AP3D1: variants seen among roughly 807,000 people sequenced by gnomAD.
AP3D1 encodes the protein AP-3 complex subunit delta-1.
In AP3D1, 51 loss-of-function variants were observed where a neutral mutation model predicts 147.6. The ratio of observed to expected loss-of-function variants is 0.35; its 90% CI spans 0.28 to 0.44. The LOEUF is 0.44. Ranked by LOEUF, AP3D1 falls within the 20% of genes least tolerant of loss-of-function variation. AP3D1 has a pLI of 1.00. For synonymous variants in AP3D1, 760 were observed against 663.0 expected (o/e 1.15, Z -2.25); for missense variants, 1,421 against 1,624.2 (o/e 0.87, Z 2.15).
chr19:2,118,513 G>A (rs2018519334), intron 15 of AP3D1, 88 bp downstream of exon 15: 2 of 1,253,210 alleles, frequency 1.6e-6, no homozygotes, highest in East Asian at 4.9e-5. Context: ...GGAAGAGGAA[G>A]CGAGGCCCCG....
At chr19:2,134,263 CA>C (rs892871247) in intron 4 of AP3D1, among the ~76,000 whole-genome samples, 1 of 151,374 alleles carries the variant, frequency 6.6e-6, no homozygotes, top group East Asian at 2.0e-4. Context: ...ACAAAAAATA[CA>C]AAAAAAATCA....
At position 2,117,230 on chromosome 19, in the gene AP3D1, G is replaced by T; in HGVS notation, c.1851C>A (p.Val617=). 6.2e-7 allele frequency: 1 copy of T among 1,609,002 alleles called. No homozygotes were observed. The highest frequency in any genetic ancestry group is 8.5e-7 in the Non-Finnish European group (1 of 1,177,710). The change falls in exon 16 of 32, where the codon GTC becomes GTA. Residue 617 remains valine (V), a synonymous_variant. Coordinates refer to ENST00000643116, the MANE Select transcript of AP3D1 (RefSeq NM_001261826.3). ...VAPKAQKKVP[V]PEGLDLDAWI... ...CACCCCCGTATCCTTACCCTTCGGG[G>T]ACTGGAACCTTCTTCTGGGCCTTGG...
At chr19:2,111,867 C>T (rs1405015493) in intron 24 of AP3D1, 39 bp from the exon 25 acceptor site, 8 of 1,610,180 alleles carry the variant, frequency 5.0e-6, no homozygotes, top group South Asian at 1.1e-5. Context: ...GCCCAGGCTG[C>T]TCCAGCACGC....
At chr19:2,112,443 ATGAAATGT>A in intron 24 of AP3D1, 1 of 179,366 alleles carries the variant, frequency 5.6e-6, no homozygotes, top group Non-Finnish European at 1.2e-5. Context: ...CCCCATTTCT[ATGAAATGT>A]CCAGGACACA....
At chr19:2,108,788 T>TA in intron 30 of AP3D1, 22 bp from the exon 31 acceptor site, 2 of 1,554,972 alleles carry the variant, frequency 1.3e-6, no homozygotes, top group Non-Finnish European at 1.7e-6. Flanking sequence ...CGGGCAGTGT[T>TA]AGGCTTCCCG....
At chr19:2,118,566 T>G in intron 15 of AP3D1, 35 bp downstream of exon 15, 1 of 1,579,636 alleles carries the variant, frequency 6.3e-7, no homozygotes, top group Non-Finnish European at 8.6e-7. Flanking sequence ...GAGGGCTCCC[T>G]GAGGCTCGGC....
chr19:2,143,293 T>C (rs1424747248), intron 1 of AP3D1, among the ~76,000 whole-genome samples: 1 of 129,650 alleles, frequency 7.7e-6, no homozygotes, highest in South Asian at 2.5e-4. Flanking sequence ...CAGGCTGGAG[T>C]GCAGCAGCGC....
At chr19:2,162,283 G>A (rs191827596) in intron 1 of AP3D1, among the ~76,000 whole-genome samples, 3 of 149,160 alleles carry the variant, frequency 2.0e-5, no homozygotes, top group Admixed American at 1.3e-4. Flanking sequence ...TGATCCACCC[G>A]CCTCGGCCTC....
At chr19:2,131,311 G>C (rs569386985) in intron 5 of AP3D1, among the ~76,000 whole-genome samples, 86 of 151,524 alleles carry the variant, frequency 5.7e-4, no homozygotes, top group African/African-American at 2.0e-3. Flanking sequence ...CATCGGCCAC[G>C]ATCTAGACAC....
intron 1 of AP3D1, among the ~76,000 whole-genome samples, chr19:2,143,442 G>A (rs575447458): frequency 4.6e-5 from 7 of 151,536 alleles, no homozygotes; most frequent in South Asian, 4.2e-4. Context: ...GGATTTCGCC[G>A]TGTTAGCCAG....
rs2017969905 is a variant in AP3D1, at chr19:2,102,102, G to A, written c.*71C>T. On this transcript the variant is annotated 3_prime_UTR_variant, in exon 32 of 32. Transcript: ENST00000643116. ...GGTACAGTACACACGACTGAGGAGA[G>A]GCGAGACACGTCAGGGCTGCGGTCC... 8.1e-7 allele frequency: 1 copy of A among 1,239,906 alleles called. No individual in the cohort carries two copies. Among genetic ancestry groups the A allele is most frequent in the Non-Finnish European group, 1.2e-6 (1 of 849,348 alleles). 76.8% of individuals were successfully genotyped at this position (1,239,906 alleles called of 1,614,324 possible). A position where few individuals can be genotyped will look rare whatever the true frequency, so the allele number is the denominator to read the frequency against.
intron 1 of AP3D1, among the ~76,000 whole-genome samples, chr19:2,139,395 T>C (rs1157363777): frequency 2.0e-5 from 3 of 152,194 alleles, no homozygotes; most frequent in African/African-American, 7.2e-5. Flanking sequence ...TGAGGGGATG[T>C]GTCTGGTGTG....
intron 5 of AP3D1, 117 bp from the exon 6 acceptor site, chr19:2,130,654 C>CT: frequency 6.8e-7 from 1 of 1,467,510 alleles, no homozygotes; most frequent in Non-Finnish European, 9.3e-7. Context: ...GCTGTGGCTG[C>CT]ACACCAGTCC....
chr19:2,161,837 T>G (rs2019700998), intron 1 of AP3D1, among the ~76,000 whole-genome samples: 1 of 151,884 alleles, frequency 6.6e-6, no homozygotes, highest in South Asian at 2.1e-4. Flanking sequence ...GAATCCCAGC[T>G]ACTTGGGAGG....
At chr19:2,123,772 G>C in intron 10 of AP3D1, 58 bp downstream of exon 10, 1 of 1,540,534 alleles carries the variant, frequency 6.5e-7, no homozygotes, top group Non-Finnish European at 8.8e-7. Context: ...CCCGCCTGTG[G>C]AAAGGTGTGG....
intron 31 of AP3D1, among the ~76,000 whole-genome samples, chr19:2,104,683 TTTTTTTG>T: frequency 7.1e-6 from 1 of 141,000 alleles, no homozygotes; most frequent in Non-Finnish European, 1.6e-5. Context: ...TTTTTTTTTT[TTTTTTTG>T]GAGTCTCACT....
intron 1 of AP3D1, among the ~76,000 whole-genome samples, chr19:2,139,131 T>C (rs556158838): frequency 4.0e-5 from 6 of 151,062 alleles, no homozygotes; most frequent in African/African-American, 9.7e-5. Context: ...GTAATCCATT[T>C]CTATGAAATG....
chr19:2,134,455 G>C (rs1397618767), intron 4 of AP3D1, among the ~76,000 whole-genome samples: 1 of 151,010 alleles, frequency 6.6e-6, no homozygotes, highest in East Asian at 2.0e-4. Context: ...TTTTTTTTAG[G>C]GCTGGGCGTG....
intron 4 of AP3D1, among the ~76,000 whole-genome samples, chr19:2,132,974 C>G (rs1433604634): frequency 5.3e-5 from 8 of 152,196 alleles, no homozygotes; most frequent in Admixed American, 5.2e-4. Context: ...AACCGAGTTT[C>G]CTGGCACCTC....
Sources: gnomAD v4.1 joint callset for allele counts (sites outside exome capture counted in the v4.1 genomes callset) on GRCh38, gnomAD v4.1.1 for gene constraint, MANE v1.5 for transcripts, NCBI Gene and HGNC (gene_info 2026-07-23, HGNC 2026-07-21) for gene names.